ZRANB1: variants seen among roughly 807,000 people sequenced by gnomAD.
The protein encoded by ZRANB1 is zinc finger RANBP2-type containing 1.
In ZRANB1, 16 loss-of-function variants were observed where a neutral mutation model predicts 80.5. That is an observed-to-expected ratio of 0.20 (90% CI 0.13 to 0.30). The LOEUF (loss-of-function observed/expected upper bound fraction) is 0.30. Among genes scored for constraint, ZRANB1 ranks in the 10% least tolerant of loss-of-function variants. The pLI is 1.00. For missense variants in ZRANB1, 576 were observed against 862.6 expected, an observed-to-expected ratio of 0.67 and a Z score of 4.16; for synonymous variants, 291 against 293.1, an observed-to-expected ratio of 0.99 and a Z score of 0.07.
chr10:124,920,048 T>C, the ZRANB1 span, among the ~76,000 whole-genome samples: 1 of 148,802 alleles, frequency 6.7e-6, no homozygotes, highest in African/African-American at 2.5e-5. Context: ...GTCTCTCGAG[T>C]AGCTGCTGGG....
At chr10:124,924,379 T>A in the ZRANB1 span, among the ~76,000 whole-genome samples, 4 of 151,994 alleles carry the variant, frequency 2.6e-5, no homozygotes, top group African/African-American at 9.7e-5. Context: ...ATTCAGTAGT[T>A]TTTAGTATAC....
chr10:124,962,433 A>G, intron 1 of ZRANB1: 1 of 982,420 alleles, frequency 1.0e-6, no homozygotes, highest in Non-Finnish European at 1.2e-6. Flanking sequence ...TTTTTTTACC[A>G]TTTGGCATTC....
chr10:124,965,076 G>T (rs1239722753), intron 1 of ZRANB1, among the ~76,000 whole-genome samples: 1 of 151,910 alleles, frequency 6.6e-6, no homozygotes, highest in Non-Finnish European at 1.5e-5. Flanking sequence ...TGAAAGGCTT[G>T]CCCCTTTGGG....
At chr10:124,966,904 T>C (rs1951781773) in intron 2 of ZRANB1, 123 bp downstream of exon 2, 3 of 894,420 alleles carry the variant, frequency 3.4e-6, no homozygotes, top group East Asian at 2.6e-5. Flanking sequence ...TTTTACCCCC[T>C]TTTAAAAATA....
chr10:124,917,219 G>T, the ZRANB1 span: 1 of 171,458 alleles, frequency 5.8e-6, no homozygotes. Context: ...GCCGCCAAGC[G>T]CCCGTCGGAC....
chr10:124,922,274 T>C, the ZRANB1 span, among the ~76,000 whole-genome samples: 1 of 120,904 alleles, frequency 8.3e-6, no homozygotes, highest in African/African-American at 3.2e-5. Context: ...TATATATATA[T>C]ATGTAAAATA....
chr10:124,925,829 C>A, the ZRANB1 span, among the ~76,000 whole-genome samples: 1 of 152,174 alleles, frequency 6.6e-6, no homozygotes. Flanking sequence ...TAGCAGTGCA[C>A]AGTCACGCGT....
chr10:124,938,211 CTG>C (rs1230154903), upstream of ZRANB1, among the ~76,000 whole-genome samples: 1 of 152,156 alleles, frequency 6.6e-6, no homozygotes, highest in Non-Finnish European at 1.5e-5. Context: ...AAAGTGTACT[CTG>C]TTAATTTCTT....
upstream of ZRANB1, among the ~76,000 whole-genome samples, chr10:124,937,554 C>G (rs1198763965): frequency 6.6e-6 from 1 of 151,690 alleles, no homozygotes; most frequent in Non-Finnish European, 1.5e-5. Flanking sequence ...TGTAGTGTAG[C>G]TACAATTTTG....
upstream of ZRANB1, among the ~76,000 whole-genome samples, chr10:124,941,664 G>A (rs1271756783): frequency 6.6e-6 from 1 of 152,016 alleles, no homozygotes. Context: ...ATTAGATTTT[G>A]AGTATATTTT....
the ZRANB1 span, among the ~76,000 whole-genome samples, chr10:124,921,307 G>A: frequency 1.3e-5 from 2 of 152,164 alleles, no homozygotes; most frequent in East Asian, 1.9e-4. Context: ...GATGTTGGCA[G>A]CCTGTGTCAC....
intron 1 of ZRANB1, among the ~76,000 whole-genome samples, chr10:124,947,308 A>G (rs145028681): frequency 1.3e-5 from 2 of 152,306 alleles, no homozygotes; most frequent in East Asian, 3.9e-4. Flanking sequence ...TAGGTACATC[A>G]GGTTTTTAGG....
the ZRANB1 span, among the ~76,000 whole-genome samples, chr10:124,928,550 C>T: frequency 1.3e-5 from 2 of 152,054 alleles, no homozygotes; most frequent in African/African-American, 2.4e-5. Flanking sequence ...TATTGGGCAC[C>T]TCCTATGTGA....
intron 5 of ZRANB1, 56 bp downstream of exon 5, chr10:124,974,454 C>T (rs1225431498): frequency 6.4e-7 from 1 of 1,567,440 alleles, no homozygotes; most frequent in African/African-American, 1.4e-5. Context: ...GGATTATTTC[C>T]TTGTAGTGGT....
chr10:124,936,676 T>C, the ZRANB1 span, among the ~76,000 whole-genome samples: 1 of 152,212 alleles, frequency 6.6e-6, no homozygotes, highest in African/African-American at 2.4e-5. Flanking sequence ...AGAAAAGAGA[T>C]GAGTATGTGC....
Position 124,942,984 on chromosome 10 carries a change from C to T in ZRANB1, c.491C>T (p.Ala164Val). The T allele has an allele frequency of 6.2e-7, 1 of 1,614,124 alleles. No individual in the cohort carries two copies. The highest frequency in any genetic ancestry group is 8.5e-7 in the Non-Finnish European group (1 of 1,180,022). ...TCSVCTYENW[A>V]KAKRCVVCDH... ...TCTGTTTGCACATATGAAAACTGGG[C>T]CAAGGCTAAAAGATGTGTTGTTTGT... The change falls in exon 1 of 9, where the codon GCC becomes GTC. Residue 164 changes from alanine (A) to valine (V), a missense_variant. Ala to Val is a moderately conservative substitution (Grantham distance 64). Transcript: ENST00000359653.
rs146935253 is a variant in ZRANB1 at position 124,943,046 on chromosome 10, T to C, written c.553T>C (p.Leu185=). ...ACCTAATAACATTGAAGCAATAGAA[T>C]TGGCAGAGACTGAAGAGGCTTCTTC... The part of the protein sequence containing the change: ...PRPNNIEAIE[L]AETEEASSII... Residue 185 remains leucine, a synonymous_variant, in exon 1 of 9, where the codon TTG becomes CTG. Transcript: ENST00000359653. 4.6e-5 allele frequency: 74 copies of C among 1,614,144 alleles called. No individual in the cohort carries two copies. The African/African-American group carries it at 8.1e-4, about 18-fold the overall frequency.
the ZRANB1 span, among the ~76,000 whole-genome samples, chr10:124,924,772 A>G: frequency 1.9e-3 from 285 of 152,268 alleles, no homozygotes; most frequent in African/African-American, 6.6e-3. Context: ...ACATTTGTGT[A>G]CAAGTTTTTG....
chr10:124,927,826 C>T, the ZRANB1 span, among the ~76,000 whole-genome samples: 2 of 152,062 alleles, frequency 1.3e-5, no homozygotes, highest in Non-Finnish European at 1.5e-5. Context: ...CACTTGAGGC[C>T]AGGAGTTGGA....
Sources: gnomAD v4.1 joint callset for allele counts (sites outside exome capture counted in the v4.1 genomes callset) on GRCh38, gnomAD v4.1.1 for gene constraint, MANE v1.5 for transcripts, NCBI Gene and HGNC (gene_info 2026-07-23, HGNC 2026-07-21) for gene names.